ZDHHC14: variants seen among roughly 807,000 people sequenced by gnomAD.
The protein encoded by ZDHHC14 is palmitoyltransferase ZDHHC14.
A neutral mutation model predicts 47.7 loss-of-function variants in ZDHHC14; 16 were observed. That is an observed-to-expected ratio of 0.34 (90% CI 0.23 to 0.51). ZDHHC14 has a LOEUF of 0.51. ZDHHC14 is among the 20% of genes least tolerant of loss of function. The pLI is 0.97. For missense variants in ZDHHC14, 515 were observed against 662.5 expected (o/e 0.78, Z 2.44); for synonymous variants, 293 against 278.9 (o/e 1.05, Z -0.50).
In ZDHHC14 at chr6:157,573,960, TC is replaced by T. The variant is rs111348940; in HGVS notation, c.407-19027del. On this transcript the variant is annotated intron_variant, in intron 2 of 8. Transcript: ENST00000359775. ...CGCTACTCTGTGAGAAACCTCGGGG[TC>T]GGGGGGGAAGTTCTTTGCTCTTAGG... Among the ~76,000 whole-genome samples, 691 of 149,708 alleles carry T rather than the reference TC, an allele frequency of 4.6e-3. 8 individuals are homozygous for T. Among genetic ancestry groups the T allele is most frequent in the African/African-American group, 0.016 (647 of 40,462 alleles).
intron 8 of ZDHHC14, among the ~76,000 whole-genome samples, chr6:157,654,014 CT>C (rs765991780): frequency 4.6e-5 from 7 of 152,192 alleles, no homozygotes; most frequent in Non-Finnish European, 1.0e-4. Context: ...GTACTGACCC[CT>C]CTTCCACTTC....
At chr6:157,466,322 A>C (rs1779215777) in intron 1 of ZDHHC14, among the ~76,000 whole-genome samples, 1 of 152,160 alleles carries the variant, frequency 6.6e-6, no homozygotes, top group African/African-American at 2.4e-5. Context: ...GTACAGGGCC[A>C]TCTGCTCCAC....
At chr6:157,428,612 C>T (rs931910089) in intron 1 of ZDHHC14, among the ~76,000 whole-genome samples, 4 of 152,000 alleles carry the variant, frequency 2.6e-5, no homozygotes, top group Admixed American at 6.5e-5. Context: ...TCCTGCTTAG[C>T]GAGTCCCCCC....
intron 1 of ZDHHC14, among the ~76,000 whole-genome samples, chr6:157,495,137 C>T (rs1441978162): frequency 6.6e-6 from 1 of 151,786 alleles, no homozygotes; most frequent in Non-Finnish European, 1.5e-5. Flanking sequence ...TGTTTTTTTG[C>T]AAACTCCTTC....
At chr6:157,527,271 C>T (rs1781191309) in intron 1 of ZDHHC14, among the ~76,000 whole-genome samples, 1 of 152,128 alleles carries the variant, frequency 6.6e-6, no homozygotes. Context: ...CACCTCCCAT[C>T]GACTCCAGGA....
intron 2 of ZDHHC14, chr6:157,592,731 T>G: frequency 8.9e-6 from 11 of 1,232,228 alleles, no homozygotes; most frequent in Non-Finnish European, 1.1e-5. Context: ...AGGGAGGGCC[T>G]GGCTGGGTGG....
intron 1 of ZDHHC14, among the ~76,000 whole-genome samples, chr6:157,465,892 A>C (rs1347839407): frequency 6.6e-6 from 1 of 152,114 alleles, no homozygotes; most frequent in African/African-American, 2.4e-5. Flanking sequence ...AAATACAAAA[A>C]TTAGCCGGGC....
At chr6:157,571,909 A>C (rs754713868) in intron 2 of ZDHHC14, among the ~76,000 whole-genome samples, 5 of 151,728 alleles carry the variant, frequency 3.3e-5, no homozygotes, top group Non-Finnish European at 7.4e-5. Context: ...CCTGCTAATA[A>C]GTGTGTGCAC....
intron 1 of ZDHHC14, among the ~76,000 whole-genome samples, chr6:157,509,882 C>T (rs1324905894): frequency 1.3e-5 from 2 of 152,238 alleles, no homozygotes; most frequent in Non-Finnish European, 2.9e-5. Context: ...AATCTGAGGC[C>T]AGAGCCTCAT....
chr6:157,555,740 G>A (rs1782430615), intron 2 of ZDHHC14, among the ~76,000 whole-genome samples: 1 of 152,084 alleles, frequency 6.6e-6, no homozygotes, highest in Non-Finnish European at 1.5e-5. Flanking sequence ...TCCTTGTTGT[G>A]GGCCCCGCAC....
chr6:157,516,372 T>G (rs970474328), intron 1 of ZDHHC14, among the ~76,000 whole-genome samples: 1 of 152,170 alleles, frequency 6.6e-6, no homozygotes, highest in Non-Finnish European at 1.5e-5. Context: ...TAAGGTAATT[T>G]TATCTCAGAA....
At chr6:157,409,701 C>T (rs529610240) in intron 1 of ZDHHC14, among the ~76,000 whole-genome samples, 1 of 152,326 alleles carries the variant, frequency 6.6e-6, no homozygotes, top group South Asian at 2.1e-4. Context: ...GTCATTTCCT[C>T]CTTCCTCTTC....
intron 1 of ZDHHC14, among the ~76,000 whole-genome samples, chr6:157,442,325 G>A (rs748179143): frequency 1.1e-4 from 17 of 152,230 alleles, no homozygotes; most frequent in Non-Finnish European, 2.2e-4. Context: ...CAAGTCTGCA[G>A]TGAGCTGAGA....
At chr6:157,406,433 G>A (rs1777765410) in intron 1 of ZDHHC14, among the ~76,000 whole-genome samples, 1 of 152,202 alleles carries the variant, frequency 6.6e-6, no homozygotes, top group South Asian at 2.1e-4. Context: ...GAATATGATT[G>A]CAGAAAAATA....
chr6:157,484,713 T>C (rs1421771226), intron 1 of ZDHHC14, among the ~76,000 whole-genome samples: 2 of 151,826 alleles, frequency 1.3e-5, no homozygotes, highest in African/African-American at 2.4e-5. Context: ...AGTAAGGTAA[T>C]AAATGGTAAG....
chr6:157,504,327 ATTT>A (rs35053189), intron 1 of ZDHHC14, among the ~76,000 whole-genome samples: 1 of 137,282 alleles, frequency 7.3e-6, no homozygotes. Flanking sequence ...AATTTTTTGT[ATTT>A]TTTTTTTTTT....
At chr6:157,632,938 A>G in intron 5 of ZDHHC14, 56 bp downstream of exon 5, 2 of 1,579,740 alleles carry the variant, frequency 1.3e-6, no homozygotes, top group South Asian at 2.2e-5. Flanking sequence ...TATCTGGCTG[A>G]CCTTCTGTGC....
At chr6:157,554,420 A>G (rs9457773) in intron 2 of ZDHHC14, among the ~76,000 whole-genome samples, 71,878 of 152,150 alleles carry the variant, frequency 0.47, 17,143 homozygotes, top group Middle Eastern at 0.55. Context: ...TTAAAAGTAA[A>G]TTAATTTTAA....
At chr6:157,440,867 A>G (rs1266811585) in intron 1 of ZDHHC14, among the ~76,000 whole-genome samples, 2 of 152,248 alleles carry the variant, frequency 1.3e-5, no homozygotes, top group African/African-American at 4.8e-5. Context: ...TGAGATGGTG[A>G]AACTGTTTTG....
Sources: allele counts gnomAD v4.1 joint callset (sites outside exome capture counted in the v4.1 genomes callset), GRCh38; gene constraint gnomAD v4.1.1; transcripts MANE v1.5; gene names NCBI Gene and HGNC (gene_info 2026-07-23, HGNC 2026-07-21).